Variants in COP1 observed in about 807,000 individuals in gnomAD.
COP1 encodes COP1 E3 ubiquitin ligase.
A neutral mutation model predicts 101.3 loss-of-function variants in COP1; 24 were observed. The ratio of observed to expected loss-of-function variants is 0.24; its 90% CI spans 0.17 to 0.33. The LOEUF (loss-of-function observed/expected upper bound fraction) is 0.33. Among genes scored for constraint, COP1 ranks in the 10% least tolerant of loss-of-function variants. The pLI, the probability that COP1 is intolerant of heterozygous loss-of-function variation, is 1.00. For missense variants in COP1, 663 were observed against 906.2 expected (o/e 0.73, Z 3.45); for synonymous variants, 347 against 341.9 (o/e 1.01, Z -0.17).
chr1:176,173,856 C>T lies in COP1; in HGVS notation c.565+2054G>A, dbSNP rs1296399654. Among the ~76,000 whole-genome samples the T allele has an allele frequency of 2.0e-5, 3 of 151,028 alleles. No individual in the cohort carries two copies. The East Asian group carries it at 5.9e-4, about 30-fold the overall frequency. ...CACAAAAATTAGCCGGGTACAGTGG[C>T]GCACGTCTGTGATTCCAGCAACCAG... On this transcript the variant is annotated intron_variant, in intron 3 of 19. Transcript: ENST00000367669.
intron 15 of COP1, among the ~76,000 whole-genome samples, chr1:175,991,671 A>G (rs1314085620): frequency 1.3e-5 from 2 of 152,254 alleles, no homozygotes; most frequent in African/African-American, 4.8e-5. Flanking sequence ...CAGCTGGACA[A>G]AAGTATTTCC....
intron 9 of COP1, among the ~76,000 whole-genome samples, chr1:176,095,852 T>A (rs576410677): frequency 3.3e-5 from 5 of 152,236 alleles, no homozygotes; most frequent in South Asian, 2.1e-4. Flanking sequence ...ATAATTTTTT[T>A]TAAAAAAACA....
Position 176,184,644 on chromosome 1 carries a change from GC to G in COP1, c.455del (p.Gly152AlafsTer38). 6.2e-7 allele frequency: 1 copy of G among 1,603,594 alleles called. No homozygotes were observed. Among genetic ancestry groups the G allele is most frequent in the Non-Finnish European group, 8.5e-7 (1 of 1,173,530 alleles). ...MIEEAYMTKCGHSFCYKCIHQ... is the reference protein window; with the variant it reads ...MIEEAYMTKCXHSFCYKCIHQ... ...TAGAATTGTCTTACCAAAAGCTGTG[GC>G]CACATTTTGTCATGTATGCTTCTTC... On this transcript the variant is annotated frameshift_variant, in exon 2 of 20. Transcript: ENST00000367669. LOFTEE classifies it high-confidence loss of function.
chr1:176,034,701 G>GT (rs1219619893), intron 14 of COP1, among the ~76,000 whole-genome samples: 1 of 152,210 alleles, frequency 6.6e-6, no homozygotes, highest in East Asian at 1.9e-4. Context: ...TCTGAGCTGT[G>GT]TATGTGCAAG....
chr1:176,091,595 T>C (rs2149455074), intron 9 of COP1, among the ~76,000 whole-genome samples: 1 of 152,310 alleles, frequency 6.6e-6, no homozygotes, highest in East Asian at 1.9e-4. Flanking sequence ...GGAGCTCTTG[T>C]ATTGTTCAGG....
chr1:176,151,043 T>C (rs1023042942), intron 5 of COP1, among the ~76,000 whole-genome samples: 1 of 152,042 alleles, frequency 6.6e-6, no homozygotes, highest in Non-Finnish European at 1.5e-5. Context: ...TCTAGCCATA[T>C]AATGTTCTAT....
At chr1:176,140,588 G>A (rs1690518957) in intron 6 of COP1, among the ~76,000 whole-genome samples, 1 of 152,134 alleles carries the variant, frequency 6.6e-6, no homozygotes, top group African/African-American at 2.4e-5. Flanking sequence ...CCACTTCAAG[G>A]ATGTGGAAAG....
At chr1:176,147,679 A>G (rs897574136) in intron 6 of COP1, among the ~76,000 whole-genome samples, 1 of 152,252 alleles carries the variant, frequency 6.6e-6, no homozygotes, top group Non-Finnish European at 1.5e-5. Flanking sequence ...CAGAAGTTTA[A>G]TAACGGAAAT....
At chr1:175,972,870 T>C (rs1489359675) in intron 18 of COP1, among the ~76,000 whole-genome samples, 1 of 152,168 alleles carries the variant, frequency 6.6e-6, no homozygotes, top group East Asian at 1.9e-4. Context: ...TTCGCTCTTG[T>C]TGCCCAGGCT....
chr1:176,085,638 C>T (rs1679995791), intron 10 of COP1, 138 bp downstream of exon 10: 1 of 455,916 alleles, frequency 2.2e-6, no homozygotes, highest in Non-Finnish European at 4.0e-6. Flanking sequence ...CTAAGAACCT[C>T]CATGATGATC....
intron 11 of COP1, among the ~76,000 whole-genome samples, chr1:176,059,208 T>C (rs954942886): frequency 6.6e-6 from 1 of 152,256 alleles, no homozygotes; most frequent in Non-Finnish European, 1.5e-5. Context: ...GTGGTTAATG[T>C]AATTCATCTA....
Position 175,951,463 on chromosome 1 carries a change from A to ATATATATATATATATAT in COP1, c.2134-4225_2134-4224insATATATATATATATATA, listed in dbSNP as rs1558154896. ...ATATATATATATATATATATATATA[A>ATATATATATATATATAT]AAACTTCCATTTTTGGCCATAACAG... is the stretch of plus-strand genomic sequence containing the variant. On this transcript the variant is annotated intron_variant, in intron 18 of 19. Coordinates refer to ENST00000367669, the MANE Select transcript of COP1 (RefSeq NM_022457.7). Among the ~76,000 whole-genome samples the ATATATATATATATATAT allele has an allele frequency of 1.0e-2, 395 of 39,666 alleles. 6 individuals are homozygous for ATATATATATATATATAT. Among genetic ancestry groups the ATATATATATATATATAT allele is most frequent in the East Asian group, 0.039 (42 of 1,084 alleles). The allele number at this position is 39,666 out of a possible 152,430, so 26.0% of individuals were successfully genotyped here.
intron 14 of COP1, among the ~76,000 whole-genome samples, chr1:176,040,488 T>A (rs1010947915): frequency 6.6e-6 from 1 of 152,054 alleles, no homozygotes; most frequent in Admixed American, 6.6e-5. Flanking sequence ...AGGTAATTTT[T>A]AAAATTTTTT....
intron 11 of COP1, among the ~76,000 whole-genome samples, chr1:176,073,572 G>A (rs1248602947): frequency 6.6e-6 from 1 of 152,196 alleles, no homozygotes; most frequent in Non-Finnish European, 1.5e-5. Flanking sequence ...TTATTGCTGT[G>A]TGTAAAAAGA....
chr1:176,101,766 C>A (rs1322051544), intron 9 of COP1, among the ~76,000 whole-genome samples: 1 of 152,204 alleles, frequency 6.6e-6, no homozygotes, highest in Non-Finnish European at 1.5e-5. Flanking sequence ...CAGGCCATCA[C>A]ACTCCAAATG....
chr1:176,131,995 A>T (rs1195208652), intron 8 of COP1, among the ~76,000 whole-genome samples: 1 of 151,740 alleles, frequency 6.6e-6, no homozygotes, highest in East Asian at 1.9e-4. Context: ...CAATATTTTC[A>T]TAAACTTCAT....
chr1:176,117,633 G>A (rs34215167), intron 8 of COP1, among the ~76,000 whole-genome samples: 49,380 of 152,082 alleles, frequency 0.32, 8,578 homozygotes, highest in Admixed American at 0.4. Flanking sequence ...GGTCGCTCAC[G>A]CCTGTAATCC....
intron 11 of COP1, among the ~76,000 whole-genome samples, chr1:176,051,564 A>G (rs1672556384): frequency 6.6e-6 from 1 of 152,164 alleles, no homozygotes; most frequent in Non-Finnish European, 1.5e-5. Context: ...ACTTTAGTGT[A>G]TATCTTCTAC....
At chr1:176,011,293 A>G (rs895386523) in intron 15 of COP1, among the ~76,000 whole-genome samples, 1 of 152,194 alleles carries the variant, frequency 6.6e-6, no homozygotes, top group Non-Finnish European at 1.5e-5. Flanking sequence ...TCAACAGCCA[A>G]ATGTAGCTAG....
Sources: allele counts gnomAD v4.1 joint callset (sites outside exome capture counted in the v4.1 genomes callset), GRCh38; gene constraint gnomAD v4.1.1; transcripts MANE v1.5; gene names NCBI Gene and HGNC (gene_info 2026-07-23, HGNC 2026-07-21).